Variants in FGF14 observed in about 807,000 individuals in gnomAD.
The protein encoded by FGF14 is fibroblast growth factor homologous factor 4.
In FGF14, 5 loss-of-function variants were observed where a neutral mutation model predicts 25.5. The observed-to-expected ratio is 0.20, with a 90% CI of 0.10 to 0.41. FGF14 has a LOEUF of 0.41. Ranked by LOEUF, FGF14 falls within the 10% of genes least tolerant of loss-of-function variation. FGF14 has a pLI of 1.00. For synonymous variants in FGF14, 138 were observed against 118.3 expected (o/e 1.17, Z -1.08); for missense variants, 222 against 320.1 (o/e 0.69, Z 2.34).
At position 102,316,614 on chromosome 13, in the gene FGF14, C is replaced by T. The variant is rs560535341; in HGVS notation, c.208+84857G>A. Among the ~76,000 whole-genome samples the T allele has an allele frequency of 3.3e-5, 5 of 152,286 alleles. No homozygotes were observed. In the South Asian group the frequency reaches 1.0e-3, roughly 32 times the overall value. On this transcript the variant is annotated intron_variant, in intron 1 of 4. Coordinates refer to the FGF14 transcript ENST00000376131. ...CATTTACAAATTGCCTTGAATCACT[C>T]TCTTGAACTATCTCTGTATATGTGT...
At chr13:102,301,650 C>A (rs572619008) in intron 1 of FGF14, among the ~76,000 whole-genome samples, 1 of 152,114 alleles carries the variant, frequency 6.6e-6, no homozygotes, top group Admixed American at 6.6e-5. Flanking sequence ...GGACTCACTC[C>A]ACCTCTGCAT....
chr13:102,351,043 A>G (rs963164312), intron 1 of FGF14, among the ~76,000 whole-genome samples: 1 of 151,914 alleles, frequency 6.6e-6, no homozygotes, highest in Non-Finnish European at 1.5e-5. Flanking sequence ...GCTTCTCACC[A>G]CTAACTGCTA....
chr13:102,123,970 T>A (rs2045844674), intron 1 of FGF14, among the ~76,000 whole-genome samples: 3 of 152,160 alleles, frequency 2.0e-5, no homozygotes, highest in African/African-American at 4.8e-5. Flanking sequence ...ATATTTAGAA[T>A]TAGATGCAGA....
intron 1 of FGF14, among the ~76,000 whole-genome samples, chr13:102,381,759 T>C (rs867964557): frequency 2.0e-4 from 30 of 152,356 alleles, no homozygotes; most frequent in South Asian, 1.0e-3. Flanking sequence ...ACAGTATCCC[T>C]ATTATCATTT....
intron 3 of FGF14, among the ~76,000 whole-genome samples, chr13:101,792,220 G>A (rs1450409160): frequency 6.6e-6 from 1 of 152,106 alleles, no homozygotes; most frequent in Non-Finnish European, 1.5e-5. Context: ...ACAGTGAACT[G>A]TAGCTATTTT....
intron 1 of FGF14, among the ~76,000 whole-genome samples, chr13:102,378,633 A>ATCTATCTATCTATC (rs140797016): frequency 1.1e-4 from 15 of 141,688 alleles, no homozygotes; most frequent in South Asian, 2.2e-4. Context: ...CTATCTATCT[A>ATCTATCTATCTATC]TATATATATA....
At chr13:102,165,081 C>A (rs1292890310) in intron 1 of FGF14, among the ~76,000 whole-genome samples, 1 of 151,992 alleles carries the variant, frequency 6.6e-6, no homozygotes, top group South Asian at 2.1e-4. Flanking sequence ...TCATCACTGG[C>A]CATCAGAGAA....
intron 3 of FGF14, among the ~76,000 whole-genome samples, chr13:101,767,337 G>T (rs976569858): frequency 6.6e-6 from 1 of 152,068 alleles, no homozygotes; most frequent in Non-Finnish European, 1.5e-5. Context: ...TGATTTAATT[G>T]GTCTGGTGTG....
At chr13:102,012,006 T>C (rs7335990) in intron 1 of FGF14, among the ~76,000 whole-genome samples, 3 of 152,166 alleles carry the variant, frequency 2.0e-5, no homozygotes, top group South Asian at 2.1e-4. Context: ...AATATGTTTG[T>C]TTGTTGAGAT....
intron 1 of FGF14, among the ~76,000 whole-genome samples, chr13:102,097,771 A>AAT (rs1420492089): frequency 2.0e-5 from 3 of 152,192 alleles, no homozygotes; most frequent in African/African-American, 7.2e-5. Context: ...TCTGTCAGAC[A>AAT]ATACTCTGAG....
At chr13:102,244,051 C>T (rs759483758) in intron 1 of FGF14, among the ~76,000 whole-genome samples, 14 of 151,940 alleles carry the variant, frequency 9.2e-5, no homozygotes, top group Middle Eastern at 3.2e-3. Flanking sequence ...ATTTAGTAAG[C>T]GCTAATTCCT....
rs370256437 is a variant in FGF14 at position 101,966,760 on chromosome 13, C to T, written c.209-91464G>A. The stretch of plus-strand genomic sequence containing the variant: ...CCTCCCTAAGTGCTGGGATTACAGG[C>T]GTCAGCCACCGCGCCTGGCCAAATC... On this transcript the variant is annotated intron_variant, in intron 1 of 4. Coordinates refer to the FGF14 transcript ENST00000376131. Among the ~76,000 whole-genome samples, 66 of 152,200 alleles carry T rather than the reference C, an allele frequency of 4.3e-4. No homozygotes were observed. In the South Asian group the frequency reaches 8.1e-3, roughly 19 times the overall value.
intron 1 of FGF14, among the ~76,000 whole-genome samples, chr13:102,260,909 T>G (rs963543092): frequency 2.0e-5 from 3 of 152,156 alleles, no homozygotes; most frequent in African/African-American, 7.2e-5. Flanking sequence ...CCAGCGCCTT[T>G]CCTAACTCCT....
chr13:102,369,011 G>C (rs2057796960), intron 1 of FGF14, among the ~76,000 whole-genome samples: 1 of 152,154 alleles, frequency 6.6e-6, no homozygotes, highest in Admixed American at 6.5e-5. Context: ...ATTTCATCAT[G>C]AGTATATTAT....
intron 3 of FGF14, among the ~76,000 whole-genome samples, chr13:101,788,345 C>G (rs1379327997): frequency 6.6e-6 from 1 of 152,110 alleles, no homozygotes; most frequent in African/African-American, 2.4e-5. Flanking sequence ...CTGTCTCTGT[C>G]AGATTAGAGC....
intron 1 of FGF14, among the ~76,000 whole-genome samples, chr13:102,018,515 A>G (rs1490880068): frequency 6.6e-6 from 1 of 152,096 alleles, no homozygotes; most frequent in East Asian, 1.9e-4. Context: ...CTACCAAAGT[A>G]TGACCCTGAA....
intron 1 of FGF14, among the ~76,000 whole-genome samples, chr13:102,325,032 A>G (rs1309281964): frequency 6.6e-6 from 1 of 152,136 alleles, no homozygotes; most frequent in Non-Finnish European, 1.5e-5. Context: ...CAGCACCATC[A>G]AAAGATTTTT....
intron 1 of FGF14, among the ~76,000 whole-genome samples, chr13:102,181,039 G>A (rs527698672): frequency 1.3e-5 from 2 of 152,264 alleles, no homozygotes; most frequent in South Asian, 4.1e-4. Context: ...GGAAGAGTCA[G>A]CCAGCTACAG....
At chr13:102,272,675 T>C (rs2053308850) in intron 1 of FGF14, among the ~76,000 whole-genome samples, 2 of 152,168 alleles carry the variant, frequency 1.3e-5, no homozygotes, top group Non-Finnish European at 2.9e-5. Context: ...GTAGTCATTG[T>C]CATTATCCCA....
Sources: allele counts gnomAD v4.1 joint callset (sites outside exome capture counted in the v4.1 genomes callset), GRCh38; gene constraint gnomAD v4.1.1; transcripts MANE v1.5; gene names NCBI Gene and HGNC (gene_info 2026-07-23, HGNC 2026-07-21).